Variants in ZNF385D observed in about 807,000 individuals in gnomAD.
The protein encoded by ZNF385D is zinc finger protein 659.
Under a neutral mutation model 35.8 loss-of-function variants are expected in ZNF385D, and 15 were observed. The ratio of observed to expected loss-of-function variants is 0.42; its 90% CI spans 0.28 to 0.64. The LOEUF (loss-of-function observed/expected upper bound fraction) is 0.64, where lower values mean the gene tolerates loss of function less well. ZNF385D is among the 30% of genes least tolerant of loss of function. The probability of loss-of-function intolerance (pLI) is 0.23; values close to 1 mark genes in which losing one functional copy is unlikely to be tolerated. For synonymous variants in ZNF385D, 212 were observed against 186.8 expected (o/e 1.13, Z -1.10); for missense variants, 474 against 494.6 (o/e 0.96, Z 0.39).
chr3:22,038,910 ATTT>A (rs948008665), intron 3 of ZNF385D, among the ~76,000 whole-genome samples: 2 of 149,778 alleles, frequency 1.3e-5, no homozygotes, highest in African/African-American at 4.9e-5. Context: ...AAACATATAT[ATTT>A]TTTATTATAA....
chr3:21,912,881 T>C lies in ZNF385D; in HGVS notation c.326-247853A>G, dbSNP rs147987148. Among the ~76,000 whole-genome samples the C allele has an allele frequency of 1.1e-4, 16 of 152,208 alleles. No homozygotes were observed. The East Asian group carries it at 2.7e-3, about 26-fold the overall frequency. On this transcript the variant is annotated intron_variant, in intron 3 of 5. Coordinates refer to the ZNF385D transcript ENST00000494108. ...AGCATTTGGCTGTCTCCCAAGAGCA[T>C]ACAGAACATTCTTAAACTATCTTGG...
chr3:21,550,839 T>C (rs1436452593), intron 3 of ZNF385D, among the ~76,000 whole-genome samples: 1 of 152,206 alleles, frequency 6.6e-6, no homozygotes, highest in Non-Finnish European at 1.5e-5. Flanking sequence ...ATGATACCAA[T>C]GATCTACTTT....
intron 3 of ZNF385D, among the ~76,000 whole-genome samples, chr3:21,976,852 G>A (rs1167372177): frequency 6.6e-6 from 1 of 152,134 alleles, no homozygotes; most frequent in Non-Finnish European, 1.5e-5. Context: ...TTAGCCAGTT[G>A]TGTTGCATGC....
At chr3:21,665,255 A>C (rs2066370343) in intron 1 of ZNF385D, among the ~76,000 whole-genome samples, 1 of 152,184 alleles carries the variant, frequency 6.6e-6, no homozygotes, top group Non-Finnish European at 1.5e-5. Flanking sequence ...CTGGTTATGT[A>C]AGTAACATCA....
intron 3 of ZNF385D, among the ~76,000 whole-genome samples, chr3:21,867,784 G>A (rs1384902986): frequency 6.6e-6 from 1 of 151,310 alleles, no homozygotes; most frequent in Non-Finnish European, 1.5e-5. Context: ...AGTCAGTTTT[G>A]AGACCTTAAG....
chr3:22,346,793 GT>G (rs574055592), intron 2 of ZNF385D, among the ~76,000 whole-genome samples: 1 of 152,168 alleles, frequency 6.6e-6, no homozygotes, highest in Non-Finnish European at 1.5e-5. Context: ...AGACAAGGGA[GT>G]TTTCTAATGT....
chr3:21,703,587 T>G (rs115834246), intron 1 of ZNF385D, among the ~76,000 whole-genome samples: 1,797 of 152,152 alleles, frequency 0.012, 31 homozygotes, highest in African/African-American at 0.04. Context: ...TCTTGCTGGG[T>G]GTGTAAAATA....
At position 21,628,381 on chromosome 3, in the gene ZNF385D, G is replaced by A. The variant is rs2065191172; in HGVS notation, c.165+36505C>T. Among the ~76,000 whole-genome samples the A allele has an allele frequency of 2.0e-5, 3 of 152,030 alleles. No homozygotes were observed. In the South Asian group the frequency reaches 6.2e-4, roughly 32 times the overall value. The stretch of plus-strand genomic sequence containing the variant: ...TTAACTAACTGGCAGTGGAAAACAA[G>A]GAGGATTTAGTCCTTAGTCTGCCAC... On this transcript the variant is annotated intron_variant, in intron 2 of 7. Transcript: ENST00000281523.
chr3:21,651,814 T>TA (rs1450577428), intron 2 of ZNF385D, among the ~76,000 whole-genome samples: 1 of 152,156 alleles, frequency 6.6e-6, no homozygotes. Context: ...GACCTTTCTA[T>TA]AAAAAATTAA....
chr3:21,798,234 TCATGACACA>T (rs1559631939), intron 3 of ZNF385D, among the ~76,000 whole-genome samples: 1 of 152,198 alleles, frequency 6.6e-6, no homozygotes, highest in Non-Finnish European at 1.5e-5. Flanking sequence ...CACAACTCTC[TCATGACACA>T]GGTTGTCTGG....
At chr3:21,532,641 AT>A (rs1248777835) in intron 3 of ZNF385D, among the ~76,000 whole-genome samples, 1 of 150,908 alleles carries the variant, frequency 6.6e-6, no homozygotes, top group Non-Finnish European at 1.5e-5. Flanking sequence ...AAGTGTACAT[AT>A]TTCACTTGTC....
intron 3 of ZNF385D, among the ~76,000 whole-genome samples, chr3:21,974,751 G>A (rs530655964): frequency 5.5e-4 from 84 of 152,090 alleles, no homozygotes; most frequent in Non-Finnish European, 1.0e-3. Context: ...AATTTAAAAT[G>A]GCAAAAGATC....
chr3:22,129,913 G>C (rs28840212), intron 3 of ZNF385D, among the ~76,000 whole-genome samples: 3,250 of 152,216 alleles, frequency 0.021, 119 homozygotes, highest in African/African-American at 0.075. Context: ...ACAGCTGGGA[G>C]TGTCCTGGGT....
intron 1 of ZNF385D, among the ~76,000 whole-genome samples, chr3:21,709,117 A>G (rs1329049480): frequency 1.3e-5 from 2 of 152,136 alleles, no homozygotes; most frequent in African/African-American, 4.8e-5. Flanking sequence ...AACCACAAAT[A>G]TGGTGCTGTC....
At chr3:22,102,825 T>C (rs994864165) in intron 3 of ZNF385D, among the ~76,000 whole-genome samples, 1 of 151,756 alleles carries the variant, frequency 6.6e-6, no homozygotes, top group Non-Finnish European at 1.5e-5. Context: ...AAAGGACTCA[T>C]TACTAGCATT....
chr3:21,619,559 G>A (rs527817708), intron 2 of ZNF385D, among the ~76,000 whole-genome samples: 16 of 152,110 alleles, frequency 1.1e-4, no homozygotes, highest in Admixed American at 2.0e-4. Flanking sequence ...ACACAAATCC[G>A]ATGTTCACAT....
intron 3 of ZNF385D, among the ~76,000 whole-genome samples, chr3:21,534,536 GC>G (rs1264070198): frequency 1.3e-5 from 2 of 152,024 alleles, no homozygotes; most frequent in Non-Finnish European, 2.9e-5. Context: ...CTGGAGTAGT[GC>G]TTTTACCCAT....
chr3:22,116,538 A>C (rs1355432879), intron 3 of ZNF385D, among the ~76,000 whole-genome samples: 1 of 152,092 alleles, frequency 6.6e-6, no homozygotes, highest in African/African-American at 2.4e-5. Flanking sequence ...AAAAAGAGAA[A>C]ATGTATAGAA....
At chr3:21,971,566 G>A (rs892571295) in intron 3 of ZNF385D, among the ~76,000 whole-genome samples, 1 of 149,892 alleles carries the variant, frequency 6.7e-6, no homozygotes, top group Non-Finnish European at 1.5e-5. Flanking sequence ...AAAGAAGGAA[G>A]AGATGGCCAA....
Sources: gnomAD v4.1 joint callset for allele counts (sites outside exome capture counted in the v4.1 genomes callset) on GRCh38, gnomAD v4.1.1 for gene constraint, MANE v1.5 for transcripts, NCBI Gene and HGNC (gene_info 2026-07-23, HGNC 2026-07-21) for gene names.